Variants in NXPE2 observed in about 807,000 individuals in gnomAD.
NXPE2 encodes the protein neurexophilin and PC-esterase domain family member 2, also known as NXPE family member 2.
NXPE2 carries 34 observed loss-of-function variants against 34.4 expected under a neutral mutation model. The observed-to-expected ratio is 0.99, with a 90% CI of 0.75 to 1.31. The LOEUF (loss-of-function observed/expected upper bound fraction) is 1.31. NXPE2 is among the 40% of genes most tolerant of loss of function. The probability of loss-of-function intolerance (pLI) is 0.00; values close to 1 mark genes in which losing one functional copy is unlikely to be tolerated. For missense variants in NXPE2, 649 were observed against 672.5 expected (o/e 0.97, Z 0.39); for synonymous variants, 235 against 231.3 (o/e 1.02, Z -0.15).
the NXPE2 span, among the ~76,000 whole-genome samples, chr11:114,614,777 C>A: frequency 6.6e-6 from 1 of 150,864 alleles, no homozygotes; most frequent in South Asian, 2.1e-4. Flanking sequence ...TCATGGGTAA[C>A]CATTGTTACC....
intron 1 of NXPE2, among the ~76,000 whole-genome samples, chr11:114,678,966 G>A (rs150435208): frequency 1.3e-3 from 193 of 151,286 alleles, no homozygotes; most frequent in African/African-American, 4.4e-3. Flanking sequence ...TATGGGTCCT[G>A]GTCAAAAATG....
the NXPE2 span, among the ~76,000 whole-genome samples, chr11:114,642,892 A>G: frequency 2.0e-5 from 3 of 152,034 alleles, no homozygotes; most frequent in Admixed American, 1.3e-4. Context: ...AGTGTAAAAT[A>G]ATTCCTACTT....
In NXPE2 at chr11:114,705,785, C is replaced by T. The variant is rs575038385; in HGVS notation, c.933C>T (p.Ser311=). 25 of 1,447,996 alleles carry T rather than the reference C, an allele frequency of 1.7e-5. No individual in the cohort carries two copies. Among genetic ancestry groups the T allele is most frequent in the Admixed American group, 1.1e-4 (4 of 35,708 alleles). The allele number at this position is 1,447,996 out of a possible 1,614,324, so 89.7% of individuals were successfully genotyped here. ...TCTGGAAATTTGTATTGCCAGAGAG[C>T]GAGAACATAAAAAAGAACTGCCAGA... ...TPIEVIPCNK[S]ENIKKNCQIG... Residue 311 remains serine, a synonymous_variant, in exon 5 of 6, where the codon AGC becomes AGT. Coordinates refer to ENST00000389586, the MANE Select transcript of NXPE2 (RefSeq NM_182495.6).
chr11:114,684,892 G>T (rs1951017388), intron 2 of NXPE2, among the ~76,000 whole-genome samples: 1 of 152,154 alleles, frequency 6.6e-6, no homozygotes, highest in Admixed American at 6.6e-5. Flanking sequence ...AGAAGCTTCA[G>T]GAACACAGAA....
At chr11:114,626,365 A>G in the NXPE2 span, among the ~76,000 whole-genome samples, 1 of 152,024 alleles carries the variant, frequency 6.6e-6, no homozygotes, top group African/African-American at 2.4e-5. Flanking sequence ...TGGGTCCCTG[A>G]CCCCTGACCC....
At chr11:114,795,719 T>A in the NXPE2 span, among the ~76,000 whole-genome samples, 2 of 152,004 alleles carry the variant, frequency 1.3e-5, no homozygotes, top group East Asian at 3.9e-4. Context: ...CAAATTGTTC[T>A]ATCTATCTCT....
chr11:114,543,519 TAAA>T, the NXPE2 span, among the ~76,000 whole-genome samples: 4 of 146,950 alleles, frequency 2.7e-5, no homozygotes, highest in African/African-American at 1.0e-4. Flanking sequence ...AGACCCTGTT[TAAA>T]AAAAAAAAAA....
At chr11:114,633,960 C>A in the NXPE2 span, among the ~76,000 whole-genome samples, 1 of 152,008 alleles carries the variant, frequency 6.6e-6, no homozygotes, top group Non-Finnish European at 1.5e-5. Context: ...TGATTTATAG[C>A]CCTTTGGGTA....
chr11:114,612,026 G>T, the NXPE2 span, among the ~76,000 whole-genome samples: 127 of 152,070 alleles, frequency 8.4e-4, no homozygotes, highest in Non-Finnish European at 1.5e-3. Flanking sequence ...GGTAACCACT[G>T]TTACCTGGTG....
At chr11:114,706,327 G>A in intron 5 of NXPE2, 68 bp from the exon 6 acceptor site, 2 of 1,283,624 alleles carry the variant, frequency 1.6e-6, no homozygotes, top group Admixed American at 5.4e-5. Flanking sequence ...TTTTATACAT[G>A]TTGTGTGCAG....
the NXPE2 span, among the ~76,000 whole-genome samples, chr11:114,589,961 G>A: frequency 6.6e-6 from 1 of 152,126 alleles, no homozygotes; most frequent in Admixed American, 6.5e-5. Flanking sequence ...GGAACTAAAT[G>A]GTTTACAGTC....
chr11:114,677,983 G>A (rs1950877482), upstream of NXPE2, among the ~76,000 whole-genome samples: 1 of 152,066 alleles, frequency 6.6e-6, no homozygotes, highest in Non-Finnish European at 1.5e-5. Flanking sequence ...AAGTTGCAGT[G>A]AGATTTAGAC....
the NXPE2 span, among the ~76,000 whole-genome samples, chr11:114,602,941 A>G: frequency 6.7e-6 from 1 of 149,764 alleles, no homozygotes; most frequent in Non-Finnish European, 1.5e-5. Flanking sequence ...TAATTACAGA[A>G]TCATAATTAT....
chr11:114,629,818 C>G, the NXPE2 span, among the ~76,000 whole-genome samples: 64 of 150,720 alleles, frequency 4.2e-4, no homozygotes, highest in Admixed American at 1.0e-3. Context: ...GCAACTTCAG[C>G]AAAGTCTCAG....
At chr11:114,741,110 G>C in the NXPE2 span, among the ~76,000 whole-genome samples, 1 of 152,068 alleles carries the variant, frequency 6.6e-6, no homozygotes, top group African/African-American at 2.4e-5. Flanking sequence ...TGGGTTGGCA[G>C]GTTTCTATTT....
chr11:114,609,773 C>T, the NXPE2 span, among the ~76,000 whole-genome samples: 12,894 of 151,530 alleles, frequency 0.085, 687 homozygotes, highest in Middle Eastern at 0.21. Flanking sequence ...AGTATTGCCT[C>T]GCGGGTAACC....
At chr11:114,738,806 T>C in the NXPE2 span, among the ~76,000 whole-genome samples, 1 of 152,158 alleles carries the variant, frequency 6.6e-6, no homozygotes, top group Non-Finnish European at 1.5e-5. Flanking sequence ...TATGCTTATA[T>C]TAGAAGAAGC....
At chr11:114,519,639 G>A in the NXPE2 span, among the ~76,000 whole-genome samples, 1 of 152,144 alleles carries the variant, frequency 6.6e-6, no homozygotes, top group African/African-American at 2.4e-5. Flanking sequence ...TTGACAGGTG[G>A]AAGGAGGGGC....
At chr11:114,629,411 G>C in the NXPE2 span, among the ~76,000 whole-genome samples, 2 of 146,872 alleles carry the variant, frequency 1.4e-5, no homozygotes, top group Non-Finnish European at 1.5e-5. Flanking sequence ...CAGAACCAAA[G>C]ACAAAAACCA....
Sources: gnomAD v4.1 joint callset for allele counts (sites outside exome capture counted in the v4.1 genomes callset) on GRCh38, gnomAD v4.1.1 for gene constraint, MANE v1.5 for transcripts, NCBI Gene and HGNC (gene_info 2026-07-23, HGNC 2026-07-21) for gene names.